MAST3: variants seen among roughly 807,000 people sequenced by gnomAD.
MAST3 encodes the protein microtubule-associated serine/threonine-protein kinase 3.
In MAST3, 43 loss-of-function variants were observed where a neutral mutation model predicts 127.0. The observed-to-expected ratio is 0.34, with a 90% CI of 0.27 to 0.44. The LOEUF (loss-of-function observed/expected upper bound fraction) is 0.44. MAST3 is among the 20% of genes least tolerant of loss of function. The probability of loss-of-function intolerance (pLI) is 1.00; values close to 1 mark genes in which losing one functional copy is unlikely to be tolerated. For synonymous variants in MAST3, 785 were observed against 809.2 expected (o/e 0.97, Z 0.51); for missense variants, 1,390 against 1,919.1 (o/e 0.72, Z 5.15).
At chr19:18,103,472 A>C (rs926867202) in intron 1 of MAST3, among the ~76,000 whole-genome samples, 4 of 152,108 alleles carry the variant, frequency 2.6e-5, no homozygotes, top group African/African-American at 9.7e-5. Context: ...CAGGAGGTGG[A>C]GGTTGCAGTG....
chr19:18,103,082 C>T (rs1188052277), intron 1 of MAST3, among the ~76,000 whole-genome samples: 7 of 152,120 alleles, frequency 4.6e-5, no homozygotes, highest in African/African-American at 1.4e-4. Context: ...GGAACCACTC[C>T]CAGGGGAACA....
At chr19:18,128,784 A>T (rs2040939369) in intron 12 of MAST3, 82 bp from the exon 13 acceptor site, 2 of 1,083,258 alleles carry the variant, frequency 1.8e-6, no homozygotes, top group Admixed American at 3.5e-5. Context: ...GGGCACCAGG[A>T]CCAGTGGTTT....
Position 18,137,258 on chromosome 19 carries a change from G to A in MAST3, c.1992G>A (p.Lys664=). The part of the protein sequence containing the change: ...RLGTGGTHEV[K]QHPFFLALDW... The stretch of plus-strand genomic sequence containing the variant: ...CTGCAGGTGGCACCCACGAAGTGAA[G>A]CAGCACCCCTTTTTCCTGGCCCTGG... Residue 664 remains lysine (K), a synonymous_variant, in exon 19 of 28, where the codon AAG becomes AAA. Coordinates refer to ENST00000687212, the MANE Select transcript of MAST3 (RefSeq NM_001393504.1). 3 of 1,613,748 alleles carry A rather than the reference G, an allele frequency of 1.9e-6. No individual in the cohort carries two copies. Among genetic ancestry groups the A allele is most frequent in the Non-Finnish European group, 2.5e-6 (3 of 1,179,742 alleles).
At chr19:18,135,650 G>A (rs2041820083) in intron 17 of MAST3, 90 bp from the exon 18 acceptor site, 1 of 998,200 alleles carries the variant, frequency 1.0e-6, no homozygotes, top group East Asian at 2.7e-5. Context: ...TTGGAGTACA[G>A]TGAAGTGAGG....
intron 12 of MAST3, 80 bp from the exon 13 acceptor site, chr19:18,128,786 C>A: frequency 9.0e-7 from 1 of 1,107,382 alleles, no homozygotes; most frequent in South Asian, 1.2e-5. Flanking sequence ...GCACCAGGAC[C>A]AGTGGTTTGG....
chr19:18,120,299 G>A (rs759646309), intron 3 of MAST3, among the ~76,000 whole-genome samples: 1 of 152,178 alleles, frequency 6.6e-6, no homozygotes, highest in Non-Finnish European at 1.5e-5. Flanking sequence ...TTCAAGAGGG[G>A]TATATAGAAT....
At chr19:18,124,241 G>A (rs750920725) in intron 9 of MAST3, 24 bp from the exon 10 acceptor site, 1 of 1,594,480 alleles carries the variant, frequency 6.3e-7, no homozygotes, top group Non-Finnish European at 8.5e-7. Flanking sequence ...ACCTGTGGGT[G>A]ATGCCACGAC....
Position 18,149,350 on chromosome 19 carries a change from C to T in MAST3, c.3668C>T (p.Pro1223Leu), listed in dbSNP as rs970347008. The T allele has an allele frequency of 1.2e-5, 18 of 1,514,908 alleles. No homozygotes were observed. The highest frequency in any genetic ancestry group is 2.5e-5 in the South Asian group (2 of 80,464). The allele number at this position is 1,514,908 out of a possible 1,614,324, so 93.8% of individuals were successfully genotyped here. A position where few individuals can be genotyped will look rare whatever the true frequency, so the allele number is the denominator to read the frequency against. The change falls in exon 28 of 28, where the codon CCG (proline) becomes CTG (leucine). Residue 1223 changes from proline (P) to leucine (L), a missense_variant. By Grantham distance (98) the Pro-to-Leu change is moderately conservative. This residue lies in a region of MAST3 where 816 missense variants were observed against 934.1 expected (regional missense o/e 0.87). Coordinates refer to ENST00000687212, the MANE Select transcript of MAST3 (RefSeq NM_001393504.1). The surrounding 1 kb of genome is among the most constrained non-coding windows in gnomAD (Gnocchi z 5.9). Reference protein sequence around the residue: ...TGRRKSTSSIPPSPLACPPIS... With the variant: ...TGRRKSTSSILPSPLACPPIS... ...CGCCGCAAGTCCACCAGCAGCATCC[C>T]GCCCTCCCCGCTGGCCTGCCCGCCC... is the stretch of plus-strand genomic sequence containing the variant.
In MAST3 at chr19:18,146,998, CG is replaced by C; in HGVS notation, c.3282del (p.Arg1095GlyfsTer10). On this transcript the variant is annotated frameshift_variant, in exon 26 of 28. Coordinates refer to ENST00000687212, the MANE Select transcript of MAST3 (RefSeq NM_001393504.1). LOFTEE classifies it high-confidence loss of function. ...RMARRSKRSRRRETQDRCAAV... is the reference protein window; with the variant it reads ...RMARRSKRSRXRETQDRCAAV... ...GGCACGCAGGAGCAAGAGGAGCCGT[CG>C]GCGGGAGACCCAGGATCGGTGCGCG... 6.4e-7 allele frequency: 1 copy of C among 1,571,404 alleles called. No individual in the cohort carries two copies. Among genetic ancestry groups the C allele is most frequent in the Non-Finnish European group, 8.6e-7 (1 of 1,158,880 alleles).
chr19:18,116,612 T>C (rs1414765147), intron 3 of MAST3, among the ~76,000 whole-genome samples: 4 of 143,814 alleles, frequency 2.8e-5, no homozygotes, highest in African/African-American at 1.0e-4. Context: ...TCTTGCTCAT[T>C]GAATTGTTTC....
intron 19 of MAST3, 115 bp downstream of exon 19, chr19:18,137,476 C>T (rs1306806762): frequency 1.7e-6 from 2 of 1,167,608 alleles, no homozygotes; most frequent in African/African-American, 3.1e-5. Context: ...TCACCTTAGG[C>T]CTGGAGCTTC....
Position 18,135,855 on chromosome 19 carries a change from G to A in MAST3, c.1972+14G>A. 2 of 1,585,280 alleles carry A rather than the reference G, an allele frequency of 1.3e-6. No individual in the cohort carries two copies. Among genetic ancestry groups the A allele is most frequent in the Non-Finnish European group, 1.7e-6 (2 of 1,162,598 alleles). The stretch of plus-strand genomic sequence containing the variant: ...GTCTGGGCACTGGTATGTAGTGTGG[G>A]GGAGAACCCAGGTGGGTGGCTCCTT... On this transcript the variant is annotated intron_variant, in intron 18 of 27. Transcript: ENST00000687212.
intron 1 of MAST3, among the ~76,000 whole-genome samples, chr19:18,101,570 C>A (rs1029464021): frequency 1.3e-5 from 2 of 152,178 alleles, no homozygotes; most frequent in Non-Finnish European, 2.9e-5. Context: ...TTGTTTGACA[C>A]CCCCTACTCC....
Position 18,144,490 on chromosome 19 carries a change from C to A in MAST3, c.2609C>A (p.Ala870Asp), listed in dbSNP as rs372828671. The change falls in exon 23 of 28, where the codon GCC becomes GAC. Residue 870 changes from alanine to aspartate, a missense_variant. This residue lies in a region of MAST3 where 816 missense variants were observed against 934.1 expected (regional missense o/e 0.87). Coordinates refer to ENST00000687212, the MANE Select transcript of MAST3 (RefSeq NM_001393504.1). This position sits in a 1 kb window ranked among gnomAD's most constrained non-coding sequence, Gnocchi z 4.0. The stretch of plus-strand genomic sequence containing the variant: ...GCCGACACAGCTGCTCTCAGCCACG[C>A]CCGCCTACGGAGCAATAGCATCGGC... ...LSADTAALSH[A>D]RLRSNSIGAR... 5 of 1,588,268 alleles carry A rather than the reference C, an allele frequency of 3.1e-6. No individual in the cohort carries two copies. Among genetic ancestry groups the A allele is most frequent in the Non-Finnish European group, 4.3e-6 (5 of 1,169,630 alleles).
In MAST3 at chr19:18,130,530, G is replaced by A. The variant is rs758514347; in HGVS notation, c.1260G>A (p.Gln420=). 3.7e-6 allele frequency: 6 copies of A among 1,610,120 alleles called. No individual in the cohort carries two copies. The highest frequency in any genetic ancestry group is 5.1e-6 in the Non-Finnish European group (6 of 1,178,054). The change falls in exon 14 of 28, where the codon CAG becomes CAA. Residue 420 remains glutamine (Q), a synonymous_variant. Transcript: ENST00000687212. The part of the protein sequence containing the change: ...VYLVRHRDTR[Q]RFAIKKINKQ... ...TGGTGCGGCACCGTGACACACGGCA[G>A]CGCTTTGCCATCAAGAAGATCAACA...
intron 25 of MAST3, 67 bp from the exon 26 acceptor site, chr19:18,146,811 TAGC>T: frequency 6.9e-7 from 1 of 1,447,848 alleles, no homozygotes; most frequent in Non-Finnish European, 9.3e-7. Context: ...GAAGGGGACA[TAGC>T]AGCTGCCTGG....
At chr19:18,098,175 T>C (rs2146695752) in intron 1 of MAST3, among the ~76,000 whole-genome samples, 1 of 152,286 alleles carries the variant, frequency 6.6e-6, no homozygotes, top group Non-Finnish European at 1.5e-5. Context: ...GTTTTAGTCC[T>C]ATTACTAGCG....
At chr19:18,129,004 T>C in intron 13 of MAST3, 53 bp downstream of exon 13, 5 of 1,505,052 alleles carry the variant, frequency 3.3e-6, no homozygotes, top group Non-Finnish European at 4.6e-6. Context: ...GAGGGGATGG[T>C]TGAGGCCCAG....
chr19:18,116,683 G>A (rs2039300411), intron 3 of MAST3, among the ~76,000 whole-genome samples: 3 of 133,844 alleles, frequency 2.2e-5, no homozygotes, highest in Admixed American at 2.2e-4. Context: ...GCCAAGGCGG[G>A]AGGATCACCT....
Sources: gnomAD v4.1 joint callset for allele counts (sites outside exome capture counted in the v4.1 genomes callset) on GRCh38, gnomAD v4.1.1 for gene constraint, gnomAD v4.1.1 regional missense constraint, Gnocchi (gnomAD v3.1) non-coding constraint, MANE v1.5 for transcripts, NCBI Gene and HGNC (gene_info 2026-07-23, HGNC 2026-07-21) for gene names.